Variants in MTCL1 observed in about 807,000 individuals in gnomAD.
MTCL1 encodes the protein microtubule cross-linking factor 1.
Under a neutral mutation model 141.4 loss-of-function variants are expected in MTCL1, and 79 were observed. That is an observed-to-expected ratio of 0.56 (90% confidence interval 0.47 to 0.67). MTCL1 has a LOEUF of 0.67. Ranked by LOEUF, MTCL1 falls within the 30% of genes least tolerant of loss-of-function variation. The pLI, the probability that MTCL1 is intolerant of heterozygous loss-of-function variation, is 0.00. For synonymous variants in MTCL1, 914 were observed against 875.8 expected (o/e 1.04, Z -0.77); for missense variants, 2,177 against 2,113.9 (o/e 1.03, Z -0.59).
chr18:8,759,956 C>G (rs1270326288), intron 4 of MTCL1, among the ~76,000 whole-genome samples: 1 of 152,102 alleles, frequency 6.6e-6, no homozygotes, highest in East Asian at 1.9e-4. Context: ...GAGGGTGGGT[C>G]TGCTCCACCA....
exon 6 of MTCL1, chr18:8,784,674 C>T: frequency 6.2e-7 from 1 of 1,614,170 alleles, no homozygotes; most frequent in South Asian, 1.1e-5. Flanking sequence ...AAGATGAAGG[C>T]TTTCAAGAAA....
chr18:8,744,508 A>G (rs190651063), intron 4 of MTCL1, among the ~76,000 whole-genome samples: 4 of 152,316 alleles, frequency 2.6e-5, no homozygotes, highest in Admixed American at 2.6e-4. Context: ...TTCTGAGATA[A>G]AAACTTCTCC....
At chr18:8,730,759 G>A (rs140878391) in intron 4 of MTCL1, among the ~76,000 whole-genome samples, 19 of 152,310 alleles carry the variant, frequency 1.2e-4, no homozygotes, top group Non-Finnish European at 2.2e-4. Flanking sequence ...TGGACGCAGC[G>A]ATGCTGTGTG....
intron 4 of MTCL1, among the ~76,000 whole-genome samples, chr18:8,752,531 A>G (rs2096376894): frequency 6.6e-6 from 1 of 152,216 alleles, no homozygotes; most frequent in Admixed American, 6.5e-5. Flanking sequence ...TGGCATAGCA[A>G]GTTAAAGAGT....
intron 4 of MTCL1, among the ~76,000 whole-genome samples, chr18:8,725,244 G>A (rs1322568793): frequency 6.6e-6 from 1 of 152,104 alleles, no homozygotes; most frequent in African/African-American, 2.4e-5. Flanking sequence ...AAGAGTCCGA[G>A]GGAACCAACT....
intron 4 of MTCL1, among the ~76,000 whole-genome samples, chr18:8,777,204 C>G (rs1028134273): frequency 2.0e-5 from 3 of 152,204 alleles, no homozygotes; most frequent in African/African-American, 7.2e-5. Flanking sequence ...CCACTGCACG[C>G]TAGCCTGGGT....
intron 4 of MTCL1, among the ~76,000 whole-genome samples, chr18:8,738,306 G>T (rs545455017): frequency 6.6e-6 from 1 of 152,256 alleles, no homozygotes; most frequent in South Asian, 2.1e-4. Flanking sequence ...TGGATTTATG[G>T]GTATTACACA....
At chr18:8,713,759 A>G (rs926782729), upstream of MTCL1, among the ~76,000 whole-genome samples, 1 of 152,192 alleles carries the variant, frequency 6.6e-6, no homozygotes, top group Non-Finnish European at 1.5e-5. Context: ...TTATACTTTT[A>G]GAATCTCAGT....
exon 6 of MTCL1, chr18:8,784,401 G>T (rs748906442): frequency 6.5e-7 from 1 of 1,527,418 alleles, no homozygotes; most frequent in East Asian, 2.3e-5. Flanking sequence ...GGCTTCGGGA[G>T]CGGGAAGCCA....
intron 4 of MTCL1, among the ~76,000 whole-genome samples, chr18:8,722,989 G>A (rs1327555586): frequency 6.6e-6 from 1 of 152,226 alleles, no homozygotes; most frequent in African/African-American, 2.4e-5. Context: ...TATCTTCAGA[G>A]AACCTGATGC....
chr18:8,746,988 C>T (rs1369440361), intron 4 of MTCL1, among the ~76,000 whole-genome samples: 1 of 152,176 alleles, frequency 6.6e-6, no homozygotes, highest in Non-Finnish European at 1.5e-5. Flanking sequence ...TTCCGTCTCT[C>T]CACCCACACT....
intron 4 of MTCL1, among the ~76,000 whole-genome samples, chr18:8,745,259 A>C (rs1253036679): frequency 1.3e-5 from 2 of 152,258 alleles, no homozygotes; most frequent in East Asian, 1.9e-4. Flanking sequence ...AGATCCAAGT[A>C]TGTCTGTCCC....
At chr18:8,818,150 G>A (rs575483281) in intron 12 of MTCL1, among the ~76,000 whole-genome samples, 24 of 152,292 alleles carry the variant, frequency 1.6e-4, no homozygotes, top group Non-Finnish European at 2.8e-4. Context: ...GTGAGCCCAC[G>A]TGCACAACCC....
At chr18:8,784,247 G>T (rs781497763) in exon 6 of MTCL1, 2 of 1,607,622 alleles carry the variant, frequency 1.2e-6, no homozygotes, top group East Asian at 4.5e-5. Flanking sequence ...GGGGCTGCGT[G>T]CCCCCAGTCC....
At chr18:8,732,926 C>T (rs1168722754) in intron 4 of MTCL1, among the ~76,000 whole-genome samples, 1 of 152,230 alleles carries the variant, frequency 6.6e-6, no homozygotes, top group Non-Finnish European at 1.5e-5. Flanking sequence ...ATGGGGAGGG[C>T]ATTCATCAGG....
chr18:8,807,379 C>T (rs1568076372), intron 11 of MTCL1, among the ~76,000 whole-genome samples: 1 of 152,202 alleles, frequency 6.6e-6, no homozygotes, highest in Non-Finnish European at 1.5e-5. Flanking sequence ...ACTGAGCTGA[C>T]ATAACTCTAG....
chr18:8,803,651 C>A (rs181612991), intron 10 of MTCL1, among the ~76,000 whole-genome samples: 100 of 152,316 alleles, frequency 6.6e-4, no homozygotes, highest in Middle Eastern at 3.4e-3. Context: ...GTACCAATAG[C>A]ATTGAGCTGG....
chr18:8,751,210 C>G (rs1299462035), intron 4 of MTCL1, among the ~76,000 whole-genome samples: 3 of 152,178 alleles, frequency 2.0e-5, no homozygotes, highest in African/African-American at 4.8e-5. Context: ...TTTGCACTTT[C>G]ACTTGGATGT....
intron 4 of MTCL1, among the ~76,000 whole-genome samples, chr18:8,769,208 T>C (rs953148640): frequency 2.0e-5 from 3 of 152,146 alleles, no homozygotes; most frequent in African/African-American, 4.8e-5. Context: ...TCTGTAGGGG[T>C]TTCTCAAATG....
Sources: gnomAD v4.1 joint callset for allele counts (sites outside exome capture counted in the v4.1 genomes callset) on GRCh38, gnomAD v4.1.1 for gene constraint, MANE v1.5 for transcripts, NCBI Gene and HGNC (gene_info 2026-07-23, HGNC 2026-07-21) for gene names.